The following ENTPD1 variants were observed in gnomAD, a reference collection of about 807,000 sequenced individuals.
The protein encoded by ENTPD1 is ATP diphosphohydrolase.
Under a neutral mutation model 57.0 loss-of-function variants are expected in ENTPD1, and 33 were observed. The observed-to-expected ratio is 0.58, with a 90% confidence interval of 0.44 to 0.77. ENTPD1 has a LOEUF of 0.77. Among genes scored for constraint, ENTPD1 ranks in the 30% least tolerant of loss-of-function variants. The pLI is 0.00. For missense variants in ENTPD1, 501 were observed against 603.4 expected (o/e 0.83, Z 1.78); for synonymous variants, 202 against 218.8 (o/e 0.92, Z 0.68).
chr10:95,822,045 G>A (rs1189340575), intron 1 of ENTPD1, among the ~76,000 whole-genome samples: 1 of 142,530 alleles, frequency 7.0e-6, no homozygotes, highest in Non-Finnish European at 1.5e-5. Flanking sequence ...CTGTCTCCAG[G>A]CTAGAGCACA....
chr10:95,809,310 GC>G (rs1398139371), intron 1 of ENTPD1, among the ~76,000 whole-genome samples: 4 of 151,110 alleles, frequency 2.6e-5, no homozygotes, highest in African/African-American at 9.7e-5. Context: ...AGGCAGAGGC[GC>G]CCCCCACATC....
chr10:95,760,814 C>CTT (rs71034350), intron 1 of ENTPD1, among the ~76,000 whole-genome samples: 683 of 62,962 alleles, frequency 0.011, 82 homozygotes, highest in East Asian at 0.037. Context: ...AGAGTTTATT[C>CTT]TTTTTTTTTT....
At chr10:95,709,259 T>C (rs1314507517), upstream of ENTPD1, among the ~76,000 whole-genome samples, 2 of 152,220 alleles carry the variant, frequency 1.3e-5, no homozygotes, top group Non-Finnish European at 2.9e-5. Context: ...GTGTGTATAT[T>C]TAGTTCATGA....
intron 1 of ENTPD1, among the ~76,000 whole-genome samples, chr10:95,758,374 T>A (rs1337166111): frequency 6.6e-6 from 1 of 152,222 alleles, no homozygotes; most frequent in Non-Finnish European, 1.5e-5. Flanking sequence ...AATGAGGGAT[T>A]CATGCAAAGT....
intron 3 of ENTPD1, 57 bp from the exon 4 acceptor site, chr10:95,842,286 CA>C (rs2098424199): frequency 6.8e-7 from 1 of 1,478,072 alleles, no homozygotes; most frequent in South Asian, 1.2e-5. Flanking sequence ...CTACTATTGT[CA>C]AGGTATGTTT....
chr10:95,871,947 A>C lies in ENTPD1; in HGVS notation c.*5564A>C. ...CAGGGAATAGTGTGTATTTGCAATT[A>C]CCTAAACTGAACTCTACCATTACTC... is the stretch of plus-strand genomic sequence containing the variant. On this transcript the variant is annotated 3_prime_UTR_variant, in exon 10 of 10. Coordinates refer to ENST00000371205, the MANE Select transcript of ENTPD1 (RefSeq NM_001776.6). 4 of 985,398 alleles carry C rather than the reference A, an allele frequency of 4.1e-6. No homozygotes were observed. Among genetic ancestry groups the C allele is most frequent in the Non-Finnish European group, 4.8e-6 (4 of 829,922 alleles). The allele number at this position is 985,398 out of a possible 1,614,324, so 61.0% of individuals were successfully genotyped here.
chr10:95,792,173 C>T (rs1206327551), intron 1 of ENTPD1, among the ~76,000 whole-genome samples: 2 of 152,098 alleles, frequency 1.3e-5, no homozygotes, highest in African/African-American at 4.8e-5. Flanking sequence ...CCCTGCTTTG[C>T]CTGGGACTGA....
chr10:95,864,797 C>G lies in ENTPD1; in HGVS notation c.1262C>G (p.Ser421Cys), dbSNP rs760378458. The G allele has an allele frequency of 1.9e-6, 3 of 1,614,102 alleles. No homozygotes were observed. Among genetic ancestry groups the G allele is most frequent in the South Asian group, 1.1e-5 (1 of 91,078 alleles). The part of the protein sequence containing the change: ...EYCFSGTYIL[S>C]LLLQGYHFTA... The stretch of plus-strand genomic sequence containing the variant: ...TGCTTTTCTGGTACCTACATTCTCT[C>G]CCTCCTTCTGCAAGGCTATCATTTC... Residue 421 changes from serine (S) to cysteine (C), a missense_variant, in exon 9 of 10, where the codon TCC becomes TGC. Coordinates refer to ENST00000371205, the MANE Select transcript of ENTPD1 (RefSeq NM_001776.6).
At chr10:95,718,153 G>A (rs1405782775) in intron 1 of ENTPD1, among the ~76,000 whole-genome samples, 2 of 152,134 alleles carry the variant, frequency 1.3e-5, no homozygotes, top group African/African-American at 2.4e-5. Flanking sequence ...TGGAGGAGGT[G>A]CAGTGAGAGT....
chr10:95,864,654 G>A, intron 8 of ENTPD1, 70 bp from the exon 9 acceptor site: 3 of 1,601,338 alleles, frequency 1.9e-6, no homozygotes, highest in Non-Finnish European at 1.7e-6. Flanking sequence ...ATCAGGGCTA[G>A]TAGAGAAAAA....
At chr10:95,734,245 G>A (rs1180715910) in intron 1 of ENTPD1, among the ~76,000 whole-genome samples, 1 of 152,226 alleles carries the variant, frequency 6.6e-6, no homozygotes, top group Non-Finnish European at 1.5e-5. Context: ...TGTAAGCCAA[G>A]GAGGTAAGAG....
chr10:95,720,909 C>T (rs2097976683), intron 1 of ENTPD1, among the ~76,000 whole-genome samples: 1 of 152,180 alleles, frequency 6.6e-6, no homozygotes, highest in African/African-American at 2.4e-5. Context: ...ATGACTAAAG[C>T]GGTGGCCTTT....
intron 7 of ENTPD1, among the ~76,000 whole-genome samples, chr10:95,859,809 G>T (rs1393716485): frequency 6.6e-6 from 1 of 152,058 alleles, no homozygotes; most frequent in Non-Finnish European, 1.5e-5. Flanking sequence ...AATAGCAGTT[G>T]TCACTAAGTA....
At chr10:95,779,873 G>A (rs1439006258) in intron 1 of ENTPD1, among the ~76,000 whole-genome samples, 1 of 151,998 alleles carries the variant, frequency 6.6e-6, no homozygotes, top group African/African-American at 2.4e-5. Context: ...TTAAGCACTT[G>A]GTATATATTA....
At chr10:95,854,942 A>C (rs370881722) in intron 7 of ENTPD1, among the ~76,000 whole-genome samples, 1 of 152,118 alleles carries the variant, frequency 6.6e-6, no homozygotes, top group Non-Finnish European at 1.5e-5. Context: ...GTAGATGTCT[A>C]TCTATTAGGT....
intron 1 of ENTPD1, among the ~76,000 whole-genome samples, chr10:95,734,695 T>TA (rs1315163674): frequency 1.3e-5 from 2 of 152,242 alleles, no homozygotes; most frequent in African/African-American, 4.8e-5. Context: ...AGAAAATACT[T>TA]AGTCTGTTAA....
intron 5 of ENTPD1, chr10:95,844,956 T>C (rs2098431428): frequency 3.2e-5 from 15 of 464,534 alleles, no homozygotes; most frequent in South Asian, 2.5e-4. Flanking sequence ...GCTCAGCACT[T>C]TTCATGTTTT....
intron 1 of ENTPD1, among the ~76,000 whole-genome samples, chr10:95,771,855 C>A (rs1477450041): frequency 1.3e-5 from 2 of 152,160 alleles, no homozygotes; most frequent in African/African-American, 2.4e-5. Flanking sequence ...TTCCTGACTT[C>A]TTTTTAGCTT....
intron 1 of ENTPD1, among the ~76,000 whole-genome samples, chr10:95,729,034 C>T (rs1296041884): frequency 3.3e-5 from 5 of 151,940 alleles, no homozygotes; most frequent in Admixed American, 1.3e-4. Context: ...TTCAATATTT[C>T]TAGGCTGCAT....
Sources: gnomAD v4.1 joint callset for allele counts (sites outside exome capture counted in the v4.1 genomes callset) on GRCh38, gnomAD v4.1.1 for gene constraint, MANE v1.5 for transcripts, NCBI Gene and HGNC (gene_info 2026-07-23, HGNC 2026-07-21) for gene names.